Variants in ACVR1 observed in about 807,000 individuals in gnomAD.
ACVR1 encodes activin A receptor type 1.
In ACVR1, 38 loss-of-function variants were observed where a neutral mutation model predicts 57.1. The ratio of observed to expected loss-of-function variants is 0.67; its 90% CI spans 0.51 to 0.87. ACVR1 has a LOEUF of 0.87. Among genes scored for constraint, ACVR1 ranks in the 40% least tolerant of loss-of-function variants. The pLI, the probability that ACVR1 is intolerant of heterozygous loss-of-function variation, is 0.00. For missense variants in ACVR1, 463 were observed against 638.2 expected (o/e 0.73, Z 2.96); for synonymous variants, 212 against 228.1 (o/e 0.93, Z 0.63).
chr2:157,758,184 C>T (rs1685507536), intron 9 of ACVR1, among the ~76,000 whole-genome samples: 1 of 151,966 alleles, frequency 6.6e-6, no homozygotes, highest in African/African-American at 2.4e-5. Context: ...GGTAGCTATA[C>T]TTCTATCAGA....
rs1438395873 is a variant in ACVR1 at position 157,829,282 on chromosome 2, T to C, written c.-182-10723A>G. On this transcript the variant is annotated intron_variant, in intron 1 of 10. Coordinates refer to ENST00000434821, the MANE Select transcript of ACVR1 (RefSeq NM_001111067.4). Reference sequence around the variant, plus strand: ...AATCTACTAATCTTTCTTTATGTCCTATCTTCTGCAATGGAACCACTGAAG... The same window carrying C: ...AATCTACTAATCTTTCTTTATGTCCCATCTTCTGCAATGGAACCACTGAAG... 2.0e-5 allele frequency among the ~76,000 whole-genome samples: 3 copies of C among 152,202 alleles called. No individual in the cohort carries two copies. In the East Asian group the frequency reaches 5.8e-4, roughly 29 times the overall value.
At chr2:157,819,644 G>A (rs1296784938) in intron 1 of ACVR1, among the ~76,000 whole-genome samples, 1 of 152,000 alleles carries the variant, frequency 6.6e-6, no homozygotes, top group Non-Finnish European at 1.5e-5. Context: ...ATCTGATTTT[G>A]GTCTATTTTC....
At position 157,754,560 on chromosome 2, in the gene ACVR1, G is replaced by A. The variant is rs778435021; in HGVS notation, c.1264+6320C>T. 5.9e-5 allele frequency among the ~76,000 whole-genome samples: 9 copies of A among 152,112 alleles called. No homozygotes were observed. In the South Asian group the frequency reaches 1.7e-3, roughly 28 times the overall value. ...CAACCCTCCTAGCTTAAACCAGGAA[G>A]AATTAGAAACTCTGAACAAACCAAT... On this transcript the variant is annotated intron_variant, in intron 9 of 10. Coordinates refer to ENST00000434821, the MANE Select transcript of ACVR1 (RefSeq NM_001111067.4).
intron 3 of ACVR1, among the ~76,000 whole-genome samples, chr2:157,781,447 C>G (rs1463013703): frequency 1.3e-5 from 2 of 152,218 alleles, no homozygotes; most frequent in Admixed American, 1.3e-4. Flanking sequence ...CCTAGACTAA[C>G]TTTTTCACTA....
chr2:157,740,271 A>G (rs1684701374), intron 9 of ACVR1, among the ~76,000 whole-genome samples: 1 of 152,128 alleles, frequency 6.6e-6, no homozygotes, highest in African/African-American at 2.4e-5. Flanking sequence ...GTGGATTAAA[A>G]CCTTTCCTGG....
At chr2:157,750,238 C>T (rs1301115242) in intron 9 of ACVR1, among the ~76,000 whole-genome samples, 1 of 152,218 alleles carries the variant, frequency 6.6e-6, no homozygotes, top group Non-Finnish European at 1.5e-5. Flanking sequence ...ACCCAGAAGC[C>T]TGATGATGAG....
At chr2:157,871,327 T>C (rs1245103788) in intron 1 of ACVR1, among the ~76,000 whole-genome samples, 3 of 152,172 alleles carry the variant, frequency 2.0e-5, no homozygotes. Flanking sequence ...TTGAAGAATC[T>C]GGGTCCCCCA....
At chr2:157,833,270 G>C (rs1574125953) in intron 1 of ACVR1, among the ~76,000 whole-genome samples, 1 of 152,154 alleles carries the variant, frequency 6.6e-6, no homozygotes, top group Non-Finnish European at 1.5e-5. Flanking sequence ...TGTATATCCT[G>C]ATGTCCAGCA....
intron 1 of ACVR1, among the ~76,000 whole-genome samples, chr2:157,855,319 T>A (rs369347374): frequency 1.0e-5 from 1 of 99,196 alleles, no homozygotes; most frequent in Non-Finnish European, 2.0e-5. Flanking sequence ...TATATATATA[T>A]ATATACACAC....
intron 3 of ACVR1, among the ~76,000 whole-genome samples, chr2:157,796,959 A>G (rs1687146473): frequency 6.6e-6 from 1 of 152,244 alleles, no homozygotes; most frequent in Non-Finnish European, 1.5e-5. Flanking sequence ...TTAGAGTGGA[A>G]TATAAACTAG....
intron 1 of ACVR1, among the ~76,000 whole-genome samples, chr2:157,825,438 T>C (rs2105336939): frequency 6.6e-6 from 1 of 152,180 alleles, no homozygotes; most frequent in East Asian, 1.9e-4. Context: ...TGTGGACGGG[T>C]ACTGGTCCAT....
intron 1 of ACVR1, among the ~76,000 whole-genome samples, chr2:157,830,635 C>A: frequency 6.8e-6 from 1 of 146,074 alleles, no homozygotes; most frequent in African/African-American, 2.6e-5. Flanking sequence ...AGAGAGAAAA[C>A]AAAACTTGAA....
intron 1 of ACVR1, among the ~76,000 whole-genome samples, chr2:157,823,810 G>C (rs1688237540): frequency 6.6e-6 from 1 of 152,172 alleles, no homozygotes; most frequent in Non-Finnish European, 1.5e-5. Context: ...TCCAGCCAAA[G>C]ATTCATTTAC....
chr2:157,806,631 C>A (rs1687557221), intron 2 of ACVR1: 1 of 152,180 alleles, frequency 6.6e-6, no homozygotes, highest in Admixed American at 6.5e-5. Flanking sequence ...AATGAGCTAA[C>A]CCAAAGGCAG....
At chr2:157,864,557 T>C (rs1259344405) in intron 1 of ACVR1, among the ~76,000 whole-genome samples, 3 of 152,338 alleles carry the variant, frequency 2.0e-5, no homozygotes, top group Non-Finnish European at 2.9e-5. Context: ...TTTTGTTTAC[T>C]TGGGTTTCAG....
intron 9 of ACVR1, among the ~76,000 whole-genome samples, chr2:157,749,112 A>C (rs1685081413): frequency 6.6e-6 from 1 of 152,250 alleles, no homozygotes; most frequent in Non-Finnish European, 1.5e-5. Flanking sequence ...TTGTGAAGAT[A>C]TGAAGAGGTT....
chr2:157,794,115 G>A (rs1364182080), intron 3 of ACVR1, among the ~76,000 whole-genome samples: 1 of 152,212 alleles, frequency 6.6e-6, no homozygotes, highest in Non-Finnish European at 1.5e-5. Context: ...TCCCTTTAAA[G>A]TAATTGTGTC....
intron 1 of ACVR1, among the ~76,000 whole-genome samples, chr2:157,872,938 C>T (rs568975425): frequency 1.3e-5 from 2 of 152,274 alleles, no homozygotes; most frequent in African/African-American, 4.8e-5. Flanking sequence ...ACACACACTC[C>T]ACATAATCAT....
At chr2:157,771,643 T>G (rs1686073983) in intron 6 of ACVR1, among the ~76,000 whole-genome samples, 1 of 152,152 alleles carries the variant, frequency 6.6e-6, no homozygotes, top group Non-Finnish European at 1.5e-5. Flanking sequence ...GCTGGAACAC[T>G]AAGTCACTGA....
Sources: allele counts gnomAD v4.1 joint callset (sites outside exome capture counted in the v4.1 genomes callset), GRCh38; gene constraint gnomAD v4.1.1; transcripts MANE v1.5; gene names NCBI Gene and HGNC (gene_info 2026-07-23, HGNC 2026-07-21).